PTPRT: variants seen among roughly 807,000 people sequenced by gnomAD.
PTPRT encodes the protein receptor-type tyrosine-protein phosphatase T.
In PTPRT, 56 loss-of-function variants were observed where a neutral mutation model predicts 176.8. The ratio of observed to expected loss-of-function variants is 0.32; its 90% CI spans 0.26 to 0.40. The LOEUF is 0.40. Ranked by LOEUF, PTPRT falls within the 10% of genes least tolerant of loss-of-function variation. PTPRT has a pLI of 1.00. For missense variants in PTPRT, 1,540 were observed against 1,908.2 expected (o/e 0.81, Z 3.60); for synonymous variants, 783 against 739.0 (o/e 1.06, Z -0.96).
At position 43,189,822 on chromosome 20, in the gene PTPRT, G is replaced by T; in HGVS notation, c.-89C>A. ...CGGGGTGGCCCCGCATCGCCGGCGC[G>T]GCCGCTGGCTGTGCGCGCGGCTGGC... is the stretch of plus-strand genomic sequence containing the variant. On this transcript the variant is annotated 5_prime_UTR_variant, in exon 1 of 31. Coordinates refer to ENST00000373187, the MANE Select transcript of PTPRT (RefSeq NM_007050.6). The surrounding 1 kb of genome is among the most constrained non-coding windows in gnomAD (Gnocchi z 5.0). The T allele has an allele frequency of 1.5e-6, 1 of 667,276 alleles. No homozygotes were observed. The highest frequency in any genetic ancestry group is 6.3e-5 in the South Asian group (1 of 15,794). The allele number at this position is 667,276 out of a possible 1,614,324, so 41.3% of individuals were successfully genotyped here.
downstream of PTPRT, among the ~76,000 whole-genome samples, chr20:42,070,622 A>T (rs1389279169): frequency 6.6e-6 from 1 of 152,128 alleles, no homozygotes; most frequent in Non-Finnish European, 1.5e-5. Context: ...TGACAACTGT[A>T]TGCTGTTAAG....
the PTPRT span, among the ~76,000 whole-genome samples, chr20:42,039,652 A>T: frequency 7.3e-6 from 1 of 137,144 alleles, no homozygotes; most frequent in South Asian, 2.3e-4. Flanking sequence ...TCAAATGATG[A>T]GATTTCCTTC....
chr20:42,359,402 A>G (rs561990528), intron 9 of PTPRT, among the ~76,000 whole-genome samples: 2 of 152,300 alleles, frequency 1.3e-5, no homozygotes, highest in South Asian at 4.2e-4. Flanking sequence ...CTAGAAATGT[A>G]AGAATGAGAC....
chr20:42,184,715 C>T (rs755314982), intron 16 of PTPRT, among the ~76,000 whole-genome samples: 2 of 150,932 alleles, frequency 1.3e-5, no homozygotes, highest in African/African-American at 2.4e-5. Flanking sequence ...GTAACCTCCA[C>T]CTCCTGGGTT....
intron 2 of PTPRT, among the ~76,000 whole-genome samples, chr20:42,835,263 T>G (rs147439858): frequency 6.6e-6 from 1 of 151,456 alleles, no homozygotes; most frequent in Admixed American, 6.6e-5. Flanking sequence ...TGAGGGGGAG[T>G]TGGAAACACT....
At chr20:42,098,628 G>T in intron 26 of PTPRT, 76 bp from the exon 27 acceptor site, 2 of 1,562,734 alleles carry the variant, frequency 1.3e-6, no homozygotes, top group Admixed American at 3.6e-5. Flanking sequence ...GGCCTGGACT[G>T]AGGCCAGAGG....
intron 7 of PTPRT, among the ~76,000 whole-genome samples, chr20:42,600,447 T>A (rs185560219): frequency 3.9e-5 from 6 of 152,220 alleles, no homozygotes; most frequent in East Asian, 3.9e-4. Context: ...GCTGGGATTT[T>A]TTATTATTAT....
intron 11 of PTPRT, among the ~76,000 whole-genome samples, chr20:42,319,159 T>C (rs554648493): frequency 6.6e-6 from 1 of 152,240 alleles, no homozygotes; most frequent in South Asian, 2.1e-4. Context: ...AAAAGCCAGA[T>C]TACACATGAG....
chr20:42,199,530 A>C, intron 15 of PTPRT, 142 bp from the exon 16 acceptor site: 1 of 960,194 alleles, frequency 1.0e-6, no homozygotes, highest in Non-Finnish European at 1.5e-6. Context: ...AAGGCAGAAC[A>C]AACCATGAAT....
chr20:42,878,837 G>T (rs2078972196), intron 2 of PTPRT, among the ~76,000 whole-genome samples: 1 of 152,056 alleles, frequency 6.6e-6, no homozygotes, highest in African/African-American at 2.4e-5. Context: ...GACCATCCTG[G>T]CTAACATGGT....
rs542160532 is a variant in PTPRT at position 42,270,279 on chromosome 20, G to C, written c.2176+12210C>G. The C allele has an allele frequency of 8.0e-3, 6,154 of 770,046 alleles. 40 individuals are homozygous for C. Among genetic ancestry groups the C allele is most frequent in the Non-Finnish European group, 0.012 (5,477 of 475,550 alleles). The allele number at this position is 770,046 out of a possible 1,614,324, so 47.7% of individuals were successfully genotyped here. A position where few individuals can be genotyped will look rare whatever the true frequency, so the allele number is the denominator to read the frequency against. On this transcript the variant is annotated intron_variant, in intron 13 of 30. Coordinates refer to ENST00000373187, the MANE Select transcript of PTPRT (RefSeq NM_007050.6). Reference sequence around the variant, plus strand: ...GGGTTGATGGGTGAATGGGTGGGGGGGTGGGTGGGTGGGTGGGGTGGAAAG... The same window carrying C: ...GGGTTGATGGGTGAATGGGTGGGGGCGTGGGTGGGTGGGTGGGGTGGAAAG...
At chr20:42,050,045 C>A in the PTPRT span, among the ~76,000 whole-genome samples, 1 of 152,186 alleles carries the variant, frequency 6.6e-6, no homozygotes, top group Non-Finnish European at 1.5e-5. Flanking sequence ...CAGGGCTCTT[C>A]CACAAATATT....
In PTPRT at chr20:42,613,848, C is replaced by G. The variant is rs377197901; in HGVS notation, c.1153+64018G>C. On this transcript the variant is annotated intron_variant, in intron 7 of 30. Transcript: ENST00000373187. Reference sequence around the variant, plus strand: ...TTCTTGAGCTATCTCTTTAATAATACTTTTAGAATGTGCTTTCAAAACGTT... The same window carrying G: ...TTCTTGAGCTATCTCTTTAATAATAGTTTTAGAATGTGCTTTCAAAACGTT... Among the ~76,000 whole-genome samples, 24 of 152,204 alleles carry G rather than the reference C, an allele frequency of 1.6e-4. 1 individual carries two copies. Among genetic ancestry groups the G allele is most frequent in the African/African-American group, 5.5e-4 (23 of 41,546 alleles).
At chr20:42,990,498 T>C (rs1983846791) in intron 1 of PTPRT, among the ~76,000 whole-genome samples, 1 of 152,190 alleles carries the variant, frequency 6.6e-6, no homozygotes, top group Admixed American at 6.5e-5. Context: ...ACATCAAGAA[T>C]GGGTAAAACT....
chr20:42,859,655 C>T (rs999753151), intron 2 of PTPRT, among the ~76,000 whole-genome samples: 3 of 146,138 alleles, frequency 2.1e-5, no homozygotes, highest in Admixed American at 7.0e-5. Context: ...ACGATCTTGG[C>T]TCACTGCAAG....
At chr20:42,250,506 G>C (rs1258220573) in intron 13 of PTPRT, among the ~76,000 whole-genome samples, 2 of 150,864 alleles carry the variant, frequency 1.3e-5, no homozygotes, top group Non-Finnish European at 3.0e-5. Context: ...CTTTTTTTTT[G>C]CTTAAGAGCA....
At chr20:42,723,206 G>C (rs1480775140) in intron 6 of PTPRT, among the ~76,000 whole-genome samples, 1 of 152,154 alleles carries the variant, frequency 6.6e-6, no homozygotes, top group Non-Finnish European at 1.5e-5. Context: ...TCACGATTTT[G>C]ATTAAGTCTC....
chr20:43,089,017 C>A (rs1018397023), intron 1 of PTPRT, among the ~76,000 whole-genome samples: 1 of 152,114 alleles, frequency 6.6e-6, no homozygotes, highest in East Asian at 1.9e-4. Flanking sequence ...TAATCCCTCC[C>A]TGCTGCGAGG....
intron 1 of PTPRT, among the ~76,000 whole-genome samples, chr20:43,065,484 AT>A (rs1482325100): frequency 6.6e-6 from 1 of 152,214 alleles, no homozygotes; most frequent in Non-Finnish European, 1.5e-5. Context: ...GAGGAAATGG[AT>A]TTTGGTGACC....
Sources: allele counts gnomAD v4.1 joint callset (sites outside exome capture counted in the v4.1 genomes callset), GRCh38; gene constraint gnomAD v4.1.1; non-coding constraint Gnocchi (gnomAD v3.1); transcripts MANE v1.5; gene names NCBI Gene and HGNC (gene_info 2026-07-23, HGNC 2026-07-21).